The following ELOVL7 variants were observed in gnomAD, a reference collection of about 807,000 sequenced individuals.
The protein encoded by ELOVL7 is ELOVL fatty acid elongase 7, also known as very long chain fatty acid elongase 7.
A neutral mutation model predicts 35.7 loss-of-function variants in ELOVL7; 27 were observed. The observed-to-expected ratio is 0.76, with a 90% CI of 0.56 to 1.04. The LOEUF is 1.04. ELOVL7 is among the 50% of genes least tolerant of loss of function. The pLI, the probability that ELOVL7 is intolerant of heterozygous loss-of-function variation, is 0.00. For synonymous variants in ELOVL7, 113 were observed against 114.6 expected (o/e 0.99, Z 0.09); for missense variants, 327 against 340.8 (o/e 0.96, Z 0.32).
chr5:60,843,602 G>A (rs1273754529), intron 1 of ELOVL7: 3 of 152,280 alleles, frequency 2.0e-5, no homozygotes, highest in Non-Finnish European at 4.4e-5. Context: ...GCGCCCAAAG[G>A]GGAAGGAAGG....
rs116390598 is a variant in ELOVL7, at chr5:60,785,052, C to T, written c.64+2282G>A. Among the ~76,000 whole-genome samples, 1,101 of 152,264 alleles carry T rather than the reference C, an allele frequency of 7.2e-3. 10 individuals carry two copies. The highest frequency in any genetic ancestry group is 0.025 in the African/African-American group (1,055 of 41,558). On this transcript the variant is annotated intron_variant, in intron 3 of 8. Transcript: ENST00000508821. The stretch of plus-strand genomic sequence containing the variant: ...TTTTGCTAATAAAGAAACAAAGACT[C>T]ACAGCCAATAAATAACGTGTTCAAG...
chr5:60,812,426 G>A (rs146981749), intron 1 of ELOVL7, among the ~76,000 whole-genome samples: 1 of 152,168 alleles, frequency 6.6e-6, no homozygotes, highest in African/African-American at 2.4e-5. Flanking sequence ...TGTGACCTAT[G>A]TTGTTCAATA....
intron 1 of ELOVL7, among the ~76,000 whole-genome samples, chr5:60,818,616 C>T (rs1223142568): frequency 1.3e-5 from 2 of 152,028 alleles, no homozygotes; most frequent in South Asian, 2.1e-4. Context: ...GAACTTGGTA[C>T]GGGGCTTGAA....
chr5:60,763,700 A>C (rs1484035559), intron 7 of ELOVL7, among the ~76,000 whole-genome samples: 11 of 152,302 alleles, frequency 7.2e-5, no homozygotes, highest in Non-Finnish European at 7.4e-5. Flanking sequence ...AAACAGTATC[A>C]ACACATTCTT....
intron 3 of ELOVL7, among the ~76,000 whole-genome samples, chr5:60,782,098 A>T (rs1579823858): frequency 6.6e-6 from 1 of 152,364 alleles, no homozygotes; most frequent in East Asian, 1.9e-4. Context: ...AAAGGACCTG[A>T]ACAGACATTT....
intron 3 of ELOVL7, among the ~76,000 whole-genome samples, chr5:60,780,114 CTTTTTTTTTTT>C (rs59345433): frequency 1.1e-4 from 14 of 124,356 alleles, no homozygotes; most frequent in Non-Finnish European, 9.8e-5. Context: ...CAAACTTTCC[CTTTTTTTTTTT>C]TTTTTTTTTT....
chr5:60,834,521 A>G (rs1290323785), intron 1 of ELOVL7, among the ~76,000 whole-genome samples: 1 of 152,214 alleles, frequency 6.6e-6, no homozygotes, highest in East Asian at 1.9e-4. Context: ...AAGAAGCATG[A>G]GCCAGGCAGA....
Position 60,757,559 on chromosome 5 carries a change from C to T in ELOVL7, c.586G>A (p.Ala196Thr). 3 of 1,613,460 alleles carry T rather than the reference C, an allele frequency of 1.9e-6. No homozygotes were observed. The highest frequency in any genetic ancestry group is 1.3e-5 in the African/African-American group (1 of 75,024). ...SYYGLSALGP[A>T]YQKYLWWKKY... is the part of the protein sequence containing the mutation. The stretch of plus-strand genomic sequence containing the variant: ...TTCCACCACAAATACTTCTGGTAGG[C>T]TGGCCCCAATGCAGAAAGTCCATAG... Residue 196 changes from alanine (A) to threonine (T), a missense_variant, in exon 8 of 9, where the codon GCC (alanine) becomes ACC (threonine). By Grantham distance (58) the Ala-to-Thr change is moderately conservative. Transcript: ENST00000508821.
At chr5:60,790,134 C>T (rs1421320282) in intron 2 of ELOVL7, among the ~76,000 whole-genome samples, 1 of 151,500 alleles carries the variant, frequency 6.6e-6, no homozygotes, top group African/African-American at 2.4e-5. Flanking sequence ...CGAGACACTA[C>T]CTCAAAAAGA....
At chr5:60,755,648 T>C (rs1741497741) in intron 8 of ELOVL7, among the ~76,000 whole-genome samples, 2 of 151,814 alleles carry the variant, frequency 1.3e-5, no homozygotes, top group Non-Finnish European at 2.9e-5. Context: ...CAGAGCGAGA[T>C]TCCATCTCAA....
chr5:60,785,930 T>C (rs147472947), intron 3 of ELOVL7: 3 of 152,324 alleles, frequency 2.0e-5, no homozygotes, highest in African/African-American at 4.8e-5. Flanking sequence ...TGAAACAGTG[T>C]ATCTTTGCTG....
chr5:60,844,006 C>A (rs1488396836), intron 1 of ELOVL7, among the ~76,000 whole-genome samples, 154 bp downstream of exon 1: 1 of 152,120 alleles, frequency 6.6e-6, no homozygotes, highest in African/African-American at 2.4e-5. Flanking sequence ...GGCCCCCGCA[C>A]CCGGGTCCCA....
At chr5:60,759,175 C>A (rs1418068565) in intron 7 of ELOVL7, among the ~76,000 whole-genome samples, 3 of 152,122 alleles carry the variant, frequency 2.0e-5, no homozygotes, top group African/African-American at 7.2e-5. Flanking sequence ...TCTCCCAAAG[C>A]CTCATTTATG....
intron 8 of ELOVL7, among the ~76,000 whole-genome samples, chr5:60,756,076 T>C (rs940680050): frequency 1.3e-5 from 2 of 152,176 alleles, no homozygotes; most frequent in Non-Finnish European, 2.9e-5. Flanking sequence ...AACAAAACTT[T>C]AGGAAGGCTA....
chr5:60,813,182 C>A (rs933991078), intron 1 of ELOVL7, among the ~76,000 whole-genome samples: 3 of 152,142 alleles, frequency 2.0e-5, no homozygotes, highest in African/African-American at 7.2e-5. Flanking sequence ...AATGGCTTGA[C>A]TTTTCTTTTA....
At position 60,753,768 on chromosome 5, in the gene ELOVL7, T is replaced by C. The variant is rs1741378749; in HGVS notation, c.*856A>G. The stretch of plus-strand genomic sequence containing the variant: ...AATGTAAGAAAGTGATGTGATACTA[T>C]AACAGACAACAGGTTTTTCCCACTG... On this transcript the variant is annotated 3_prime_UTR_variant, in exon 9 of 9. Transcript: ENST00000508821. 1 of 152,234 alleles carries C rather than the reference T, an allele frequency of 6.6e-6. No individual in the cohort carries two copies. The highest frequency in any genetic ancestry group is 1.5e-5 in the Non-Finnish European group (1 of 68,040). The allele number at this position is 152,234 out of a possible 1,614,324, so 9.4% of individuals were successfully genotyped here.
intron 3 of ELOVL7, chr5:60,784,092 A>G (rs952735094): frequency 2.3e-6 from 3 of 1,320,378 alleles, no homozygotes; most frequent in Non-Finnish European, 3.2e-6. Context: ...AATGCCACAT[A>G]CATAGAATAT....
chr5:60,758,664 C>A (rs1471280330), intron 7 of ELOVL7, among the ~76,000 whole-genome samples: 1 of 152,156 alleles, frequency 6.6e-6, no homozygotes, highest in East Asian at 1.9e-4. Flanking sequence ...AAGAAAAAAT[C>A]ATTTCAATTG....
At chr5:60,839,869 C>A (rs1057325212) in intron 1 of ELOVL7, among the ~76,000 whole-genome samples, 12 of 152,116 alleles carry the variant, frequency 7.9e-5, no homozygotes, top group African/African-American at 2.9e-4. Context: ...GGCATGGTGA[C>A]ATGTGTCTGT....
Sources: gnomAD v4.1 joint callset for allele counts (sites outside exome capture counted in the v4.1 genomes callset) on GRCh38, gnomAD v4.1.1 for gene constraint, MANE v1.5 for transcripts, NCBI Gene and HGNC (gene_info 2026-07-23, HGNC 2026-07-21) for gene names.